TENM4: variants seen among roughly 807,000 people sequenced by gnomAD.
The protein encoded by TENM4 is teneurin-4.
In TENM4, 82 loss-of-function variants were observed where a neutral mutation model predicts 243.3. That is an observed-to-expected ratio of 0.34 (90% CI 0.28 to 0.40). The LOEUF (loss-of-function observed/expected upper bound fraction) is 0.40, where lower values mean the gene tolerates loss of function less well. TENM4 is among the 10% of genes least tolerant of loss of function. The probability of loss-of-function intolerance (pLI) is 1.00; values close to 1 mark genes in which losing one functional copy is unlikely to be tolerated. For synonymous variants in TENM4, 1,412 were observed against 1,456.3 expected (o/e 0.97, Z 0.69); for missense variants, 3,138 against 3,673.3 (o/e 0.85, Z 3.77).
chr11:79,241,243 G>A (rs1864582806), intron 2 of TENM4, among the ~76,000 whole-genome samples: 1 of 152,092 alleles, frequency 6.6e-6, no homozygotes, highest in East Asian at 1.9e-4. Context: ...GAATGAATCT[G>A]ACAGTAGACT....
chr11:78,669,849 T>A lies in TENM4; in HGVS notation c.6496A>T (p.Met2166Leu). 1 of 1,613,860 alleles carries A rather than the reference T, an allele frequency of 6.2e-7. No homozygotes were observed. Among genetic ancestry groups the A allele is most frequent in the Non-Finnish European group, 8.5e-7 (1 of 1,179,842 alleles). Residue 2166 changes from methionine to leucine, a missense_variant, in exon 32 of 34, where the codon ATG (methionine) becomes TTG (leucine). By Grantham distance (15) the Met-to-Leu change is conservative. Coordinates refer to ENST00000278550, the MANE Select transcript of TENM4 (RefSeq NM_001098816.3). The surrounding 1 kb of genome is among the most constrained non-coding windows in gnomAD (Gnocchi z 6.4). ...CCCATGTTATCATACTGGACGGTCA[T>A]CCAGTACATGAGCGAGCGGAAGATC... ...YEIFRSLMYW[M>L]TVQYDNMGRV...
intron 6 of TENM4, among the ~76,000 whole-genome samples, chr11:79,015,749 G>A (rs1858758623): frequency 6.6e-6 from 1 of 152,164 alleles, no homozygotes; most frequent in Non-Finnish European, 1.5e-5. Flanking sequence ...TTTCTGCTCT[G>A]ATGGAGCTTC....
intron 15 of TENM4, among the ~76,000 whole-genome samples, chr11:78,800,914 C>A (rs888464722): frequency 6.6e-6 from 1 of 152,112 alleles, no homozygotes; most frequent in African/African-American, 2.4e-5. Flanking sequence ...TCTTTCTGAG[C>A]TTCAGTTTCC....
At chr11:79,423,959 G>T (rs1185418570) in intron 1 of TENM4, among the ~76,000 whole-genome samples, 1 of 152,146 alleles carries the variant, frequency 6.6e-6, no homozygotes, top group East Asian at 1.9e-4. Context: ...TTCTTTCTCA[G>T]ATGTGTCTGT....
chr11:79,113,963 AG>A (rs891310641), intron 4 of TENM4, among the ~76,000 whole-genome samples: 1 of 152,204 alleles, frequency 6.6e-6, no homozygotes, highest in Non-Finnish European at 1.5e-5. Flanking sequence ...GAATTCATGA[AG>A]GGTGGGGGTT....
intron 19 of TENM4, among the ~76,000 whole-genome samples, chr11:78,746,551 TA>T (rs746294150): frequency 4.4e-4 from 67 of 152,210 alleles, no homozygotes; most frequent in Non-Finnish European, 8.2e-4. Context: ...TGCTGGCTGA[TA>T]AAAGTGTACA....
chr11:79,245,892 A>G (rs369098926), intron 2 of TENM4, among the ~76,000 whole-genome samples: 2 of 140,728 alleles, frequency 1.4e-5, no homozygotes, highest in East Asian at 4.9e-4. Flanking sequence ...GTGAGCTGAG[A>G]TTGTGCCACT....
At chr11:78,933,296 G>C (rs1324982473) in intron 6 of TENM4, among the ~76,000 whole-genome samples, 1 of 152,126 alleles carries the variant, frequency 6.6e-6, no homozygotes, top group African/African-American at 2.4e-5. Flanking sequence ...GCTTCACAGG[G>C]TAACTGGCAC....
intron 6 of TENM4, among the ~76,000 whole-genome samples, chr11:78,911,116 C>T (rs1352122908): frequency 6.6e-6 from 1 of 152,184 alleles, no homozygotes; most frequent in East Asian, 1.9e-4. Context: ...ATGAAAAAGC[C>T]TCATTGTATG....
intron 15 of TENM4, among the ~76,000 whole-genome samples, chr11:78,795,361 AG>A (rs1443660442): frequency 1.3e-5 from 2 of 152,196 alleles, no homozygotes; most frequent in African/African-American, 4.8e-5. Flanking sequence ...TACAGGACAG[AG>A]TGCTCACGTA....
chr11:79,164,129 T>C (rs1171685793), intron 3 of TENM4, among the ~76,000 whole-genome samples: 1 of 120,764 alleles, frequency 8.3e-6, no homozygotes, highest in Non-Finnish European at 1.6e-5. Flanking sequence ...ACTATGTATA[T>C]ATAGTATATA....
At chr11:78,851,175 T>C (rs1164716807) in intron 12 of TENM4, among the ~76,000 whole-genome samples, 1 of 152,212 alleles carries the variant, frequency 6.6e-6, no homozygotes, top group Non-Finnish European at 1.5e-5. Flanking sequence ...CACTGGGTGA[T>C]GGTTGGAAAT....
chr11:78,814,300 C>T lies in TENM4; in HGVS notation c.1777G>A (p.Gly593Ser). The T allele has an allele frequency of 6.5e-7, 1 of 1,550,110 alleles. No individual in the cohort carries two copies. The highest frequency in any genetic ancestry group is 1.2e-5 in the South Asian group (1 of 83,956). The change falls in exon 13 of 34, where the codon GGC (glycine) becomes AGC (serine). Residue 593 changes from glycine (G) to serine (S), a missense_variant. Around this residue, in one of 2 missense-constraint regions of TENM4, gnomAD observed 2,467 missense variants for 3,059.1 expected, o/e 0.81. Coordinates refer to ENST00000278550, the MANE Select transcript of TENM4 (RefSeq NM_001098816.3). ...CFLGFLGPDC[G>S]RASCPVLCSG... ...TCCAATGCAGAGTTCTCACCTCTGC[C>T]ACAGTCGGGGCCCAGGAAACCCAGG... is the stretch of plus-strand genomic sequence containing the variant.
At chr11:78,858,834 G>T (rs902589342) in intron 10 of TENM4, among the ~76,000 whole-genome samples, 1 of 152,108 alleles carries the variant, frequency 6.6e-6, no homozygotes, top group Non-Finnish European at 1.5e-5. Context: ...TTTAATGGTG[G>T]AAATAGCAAT....
chr11:78,778,882 C>T (rs1227048049), intron 16 of TENM4, among the ~76,000 whole-genome samples: 1 of 152,126 alleles, frequency 6.6e-6, no homozygotes, highest in Non-Finnish European at 1.5e-5. Context: ...AATGTGATCA[C>T]AGAAACAAGA....
intron 4 of TENM4, among the ~76,000 whole-genome samples, chr11:79,126,625 T>C (rs1565214483): frequency 6.6e-6 from 1 of 152,220 alleles, no homozygotes; most frequent in Non-Finnish European, 1.5e-5. Context: ...CATTCCTATG[T>C]AATTTATACA....
rs1277101003 is a variant in TENM4 at position 78,789,930 on chromosome 11, C to T, written c.2180-2847G>A. ...GCCTGCTCTATGACCTACTCAATAGCTGTAAGCTTCCTTTTCTTCCTCTGC... is the reference window on the plus strand; with the variant it reads ...GCCTGCTCTATGACCTACTCAATAGTTGTAAGCTTCCTTTTCTTCCTCTGC... On this transcript the variant is annotated intron_variant, in intron 15 of 33. Transcript: ENST00000278550. 2.6e-5 allele frequency among the ~76,000 whole-genome samples: 4 copies of T among 152,090 alleles called. No individual in the cohort carries two copies. In the East Asian group the frequency reaches 7.7e-4, roughly 29 times the overall value.
At chr11:78,738,415 A>G in intron 20 of TENM4, 36 bp downstream of exon 20, 1 of 1,602,418 alleles carries the variant, frequency 6.2e-7, no homozygotes, top group African/African-American at 1.3e-5. Flanking sequence ...CAAGAGCGGG[A>G]CCTTCACTGT....
intron 7 of TENM4, among the ~76,000 whole-genome samples, chr11:78,897,945 C>T (rs943426497): frequency 3.3e-5 from 5 of 152,192 alleles, no homozygotes; most frequent in African/African-American, 1.2e-4. Flanking sequence ...TGAGCTGGAG[C>T]CAAGGTCTGG....
Sources: gnomAD v4.1 joint callset for allele counts (sites outside exome capture counted in the v4.1 genomes callset) on GRCh38, gnomAD v4.1.1 for gene constraint, gnomAD v4.1.1 regional missense constraint, Gnocchi (gnomAD v3.1) non-coding constraint, MANE v1.5 for transcripts, NCBI Gene and HGNC (gene_info 2026-07-23, HGNC 2026-07-21) for gene names.